ZNF34: variants seen among roughly 807,000 people sequenced by gnomAD.
The protein encoded by ZNF34 is zinc finger protein 34.
A neutral mutation model predicts 14.4 loss-of-function variants in ZNF34; 8 were observed. The ratio of observed to expected loss-of-function variants is 0.55; its 90% CI spans 0.33 to 1.00. ZNF34 has a LOEUF of 1.00. Ranked by LOEUF, ZNF34 falls within the 50% of genes least tolerant of loss-of-function variation. ZNF34 has a pLI of 0.03. For missense variants in ZNF34, 538 were observed against 674.2 expected, an observed-to-expected ratio of 0.80 and a Z score of 2.24; for synonymous variants, 235 against 247.9, an observed-to-expected ratio of 0.95 and a Z score of 0.49.
At chr8:144,778,409 T>G in intron 3 of ZNF34, 30 bp downstream of exon 3, 1 of 1,500,572 alleles carries the variant, frequency 6.7e-7, no homozygotes, top group Non-Finnish European at 8.9e-7. Flanking sequence ...GGGTAAAAAC[T>G]TCACTCCTCC....
chr8:144,775,052 C>T (rs570635306), intron 5 of ZNF34, among the ~76,000 whole-genome samples: 5 of 152,206 alleles, frequency 3.3e-5, no homozygotes, highest in Non-Finnish European at 7.3e-5. Flanking sequence ...CTCATGAGAA[C>T]AAAACAGATT....
Position 144,777,354 on chromosome 8 carries a change from C to A in ZNF34, c.280+104G>T. The A allele has an allele frequency of 1.4e-6, 2 of 1,444,418 alleles. No individual in the cohort carries two copies. Among genetic ancestry groups the A allele is most frequent in the Non-Finnish European group, 1.8e-6 (2 of 1,081,974 alleles). The allele number at this position is 1,444,418 out of a possible 1,614,324, so 89.5% of individuals were successfully genotyped here. On this transcript the variant is annotated intron_variant, in intron 5 of 5. Transcript: ENST00000429371. The surrounding 1 kb of genome is among the most constrained non-coding windows in gnomAD (Gnocchi z 4.8). ...ACTGTCAGGCCTCCTGTGCTAGCCC[C>A]GATGAATCTGGCCCACAAACTCCTG... is the stretch of plus-strand genomic sequence containing the variant.
rs747298644 is a variant in ZNF34, at chr8:144,772,999, C to G, written c.*267G>C. On this transcript the variant is annotated 3_prime_UTR_variant, in exon 6 of 6. Transcript: ENST00000429371. ...TTTTAAAATGCTCTCCAGTATGTCT[C>G]GAAAATATTCGTAAATCAGCAGCAA... The G allele has an allele frequency of 2.7e-6, 1 of 375,916 alleles. No homozygotes were observed. Among genetic ancestry groups the G allele is most frequent in the Non-Finnish European group, 4.8e-6 (1 of 209,654 alleles). The allele number at this position is 375,916 out of a possible 1,614,324, so 23.3% of individuals were successfully genotyped here.
chr8:144,773,355 T>C lies in ZNF34; in HGVS notation c.1531A>G (p.Lys511Glu). The change falls in exon 6 of 6, where the codon AAG becomes GAG. Residue 511 changes from lysine (K) to glutamate (E), a missense_variant. Lys to Glu is a moderately conservative substitution (Grantham distance 56). Coordinates refer to ENST00000429371, the MANE Select transcript of ZNF34 (RefSeq NM_001286769.2). This position sits in a 1 kb window ranked among gnomAD's most constrained non-coding sequence, Gnocchi z 5.4. ...AAGGCCTTCCCACACTCGCTGCACT[T>C]GTAGGGCTTCTCCCCGGTGTGGATC... ...RRIHTGEKPY[K>E]CSECGKAFRH... is the part of the protein sequence containing the mutation. The C allele has an allele frequency of 6.2e-7, 1 of 1,614,158 alleles. No individual in the cohort carries two copies. Among genetic ancestry groups the C allele is most frequent in the Non-Finnish European group, 8.5e-7 (1 of 1,180,018 alleles).
intron 1 of ZNF34, chr8:144,785,324 C>T (rs1826161501): frequency 6.6e-6 from 1 of 152,166 alleles, no homozygotes; most frequent in Non-Finnish European, 1.5e-5. Flanking sequence ...GTCCCAGCTA[C>T]TCAGAAGGCT....
At chr8:144,782,869 A>AAAAAAAG (rs1825980929) in intron 1 of ZNF34, among the ~76,000 whole-genome samples, 2 of 147,506 alleles carry the variant, frequency 1.4e-5, no homozygotes, top group Admixed American at 1.4e-4. Context: ...AAAAAAAAAA[A>AAAAAAAG]AAAAAAGAAA....
At chr8:144,780,416 G>T in intron 1 of ZNF34, 136 bp from the exon 2 acceptor site, 2 of 685,216 alleles carry the variant, frequency 2.9e-6, no homozygotes, top group Non-Finnish European at 4.8e-6. Flanking sequence ...TATCATAAAA[G>T]TTGACAAATC....
At position 144,773,653 on chromosome 8, in the gene ZNF34, G is replaced by C; in HGVS notation, c.1233C>G (p.Thr411=). ...GGCTTCTCTGATGTTCCACGAGTTTGGTTTTTTGAATGAAAGCTTTCTCAC... is the reference window on the plus strand; with the variant it reads ...GGCTTCTCTGATGTTCCACGAGTTTCGTTTTTTGAATGAAAGCTTTCTCAC... ...NECEKAFIQK[T]KLVEHQRSHT... The change falls in exon 6 of 6, where the codon ACC becomes ACG. Residue 411 remains threonine, a synonymous_variant. Transcript: ENST00000429371. This position sits in a 1 kb window ranked among gnomAD's most constrained non-coding sequence, Gnocchi z 5.4. 6.2e-7 allele frequency: 1 copy of C among 1,614,004 alleles called. No individual in the cohort carries two copies. The highest frequency in any genetic ancestry group is 1.1e-5 in the South Asian group (1 of 91,078).
intron 1 of ZNF34, chr8:144,785,350 C>G (rs1011907466): frequency 6.6e-6 from 1 of 152,216 alleles, no homozygotes; most frequent in Non-Finnish European, 1.5e-5. Flanking sequence ...AGGAGGATCA[C>G]TTGAATCTAG....
chr8:144,775,127 C>T (rs1366830457), intron 5 of ZNF34, among the ~76,000 whole-genome samples: 2 of 152,368 alleles, frequency 1.3e-5, no homozygotes, highest in Admixed American at 1.3e-4. Context: ...CAGGTGCAAG[C>T]ACCTCATGAC....
In ZNF34 at chr8:144,774,153, G is replaced by A. The variant is rs1213462913; in HGVS notation, c.733C>T (p.Leu245Phe). The A allele has an allele frequency of 6.2e-7, 1 of 1,613,998 alleles. No homozygotes were observed. The highest frequency in any genetic ancestry group is 2.2e-5 in the East Asian group (1 of 44,888). Residue 245 changes from leucine to phenylalanine, a missense_variant, in exon 6 of 6, where the codon CTT (leucine) becomes TTT (phenylalanine). Physicochemically the swap from Leu to Phe is conservative, Grantham distance 22. Coordinates refer to ENST00000429371, the MANE Select transcript of ZNF34 (RefSeq NM_001286769.2). ...CGKTFRYSAN[L>F]VKHQRLHTEE... ...GTGTGAAGCCGCTGATGCTTGACAA[G>A]GTTGGCACTGTACCTGAATGTTTTC...
In ZNF34 at chr8:144,777,578, C is replaced by G. The variant is rs1231019734; in HGVS notation, c.161-1G>C. On this transcript the variant is annotated splice_acceptor_variant, in intron 4 of 5. Coordinates refer to ENST00000429371, the MANE Select transcript of ZNF34 (RefSeq NM_001286769.2). LOFTEE classifies it high-confidence loss of function. This position sits in a 1 kb window ranked among gnomAD's most constrained non-coding sequence, Gnocchi z 4.8. The stretch of plus-strand genomic sequence containing the variant: ...GGCTTGGGGCCTGCAGGTCCTACTC[C>G]TGGGAAGGAGACAGGGACTGGGGTT... 2.1e-5 allele frequency: 33 copies of G among 1,551,530 alleles called. No individual in the cohort carries two copies. Among genetic ancestry groups the G allele is most frequent in the Non-Finnish European group, 2.8e-5 (32 of 1,147,030 alleles).
At position 144,774,405 on chromosome 8, in the gene ZNF34, G is replaced by A. The variant is rs376478163; in HGVS notation, c.481C>T (p.Leu161Phe). Reference protein sequence around the residue: ...GESSRESGGNLRLLSRPVPDQ... With the variant: ...GESSRESGGNFRLLSRPVPDQ... ...GGAACAGGTCTTGACAGCAACCTGA[G>A]GTTTCCCCCAGACTCCCTGCTGCTC... Residue 161 changes from leucine to phenylalanine, a missense_variant, in exon 6 of 6, where the codon CTC becomes TTC. Leu to Phe is a conservative substitution (Grantham distance 22). Around this residue, in one of 3 missense-constraint regions of ZNF34, gnomAD observed 431 missense variants for 525.7 expected, o/e 0.82. Transcript: ENST00000429371. The A allele has an allele frequency of 5.0e-6, 8 of 1,613,692 alleles. No homozygotes were observed. In the African/African-American group the frequency reaches 8.0e-5, roughly 16 times the overall value.
intron 1 of ZNF34, among the ~76,000 whole-genome samples, chr8:144,783,203 C>T (rs949815166): frequency 6.6e-6 from 1 of 152,112 alleles, no homozygotes; most frequent in African/African-American, 2.4e-5. Context: ...ATCACTTGAC[C>T]CTGGGAAGCA....
At chr8:144,786,622 A>G (rs1473929471) in intron 1 of ZNF34, among the ~76,000 whole-genome samples, 2 of 151,834 alleles carry the variant, frequency 1.3e-5, no homozygotes, top group African/African-American at 4.8e-5. Context: ...CGACAGAGCG[A>G]GACTCCGTCT....
chr8:144,773,166 GA>G lies in ZNF34; in HGVS notation c.*99del. On this transcript the variant is annotated 3_prime_UTR_variant, in exon 6 of 6. Transcript: ENST00000429371. The surrounding 1 kb of genome is among the most constrained non-coding windows in gnomAD (Gnocchi z 5.4). ...AATGAGAAACGTCCTTTCACTCTGT[GA>G]AAACATCGTGTGGATAATACATAAA... 1 of 1,295,012 alleles carries G rather than the reference GA, an allele frequency of 7.7e-7. No individual in the cohort carries two copies. The highest frequency in any genetic ancestry group is 3.0e-5 in the Admixed American group (1 of 33,450). 80.2% of individuals were successfully genotyped at this position (1,295,012 alleles called of 1,614,324 possible).
chr8:144,775,355 C>T (rs1477246791), intron 5 of ZNF34, among the ~76,000 whole-genome samples: 1 of 152,202 alleles, frequency 6.6e-6, no homozygotes, highest in Non-Finnish European at 1.5e-5. Flanking sequence ...AAAATGCTGA[C>T]TCAGTGACTC....
rs1464059407 is a variant in ZNF34 at position 144,779,017 on chromosome 8, G to T, written c.-54-492C>A. Reference sequence around the variant, plus strand: ...GAACACCAAGCTCTGTGCCAAAGGGGGGAAGGCTGCCCTGCCGCTCCATAA... The same window carrying T: ...GAACACCAAGCTCTGTGCCAAAGGGTGGAAGGCTGCCCTGCCGCTCCATAA... On this transcript the variant is annotated intron_variant, in intron 2 of 5. Transcript: ENST00000429371. This position sits in a 1 kb window ranked among gnomAD's most constrained non-coding sequence, Gnocchi z 4.1. Among the ~76,000 whole-genome samples the T allele has an allele frequency of 6.6e-6, 1 of 152,122 alleles. No homozygotes were observed. Among genetic ancestry groups the T allele is most frequent in the Admixed American group, 6.5e-5 (1 of 15,276 alleles).
chr8:144,777,912 A>G lies in ZNF34; in HGVS notation c.160+126T>C. 7.2e-7 allele frequency: 1 copy of G among 1,387,588 alleles called. No homozygotes were observed. Among genetic ancestry groups the G allele is most frequent in the South Asian group, 1.3e-5 (1 of 76,870 alleles). The allele number at this position is 1,387,588 out of a possible 1,614,324, so 86.0% of individuals were successfully genotyped here. ...GCTCTTCCCCTCATCTTCTCAGATCAGGTGCCTGCCTGGGATAAAGGTCAT... is the reference window on the plus strand; with the variant it reads ...GCTCTTCCCCTCATCTTCTCAGATCGGGTGCCTGCCTGGGATAAAGGTCAT... On this transcript the variant is annotated intron_variant, in intron 4 of 5. Transcript: ENST00000429371. This position sits in a 1 kb window ranked among gnomAD's most constrained non-coding sequence, Gnocchi z 4.8.
Sources: gnomAD v4.1 joint callset for allele counts (sites outside exome capture counted in the v4.1 genomes callset) on GRCh38, gnomAD v4.1.1 for gene constraint, gnomAD v4.1.1 regional missense constraint, Gnocchi (gnomAD v3.1) non-coding constraint, MANE v1.5 for transcripts, NCBI Gene and HGNC (gene_info 2026-07-23, HGNC 2026-07-21) for gene names.